The following DLC1 variants were observed in gnomAD, a reference collection of about 807,000 sequenced individuals.
DLC1 encodes the protein DLC1 Rho GTPase activating protein.
In DLC1, 54 loss-of-function variants were observed where a neutral mutation model predicts 140.3. The ratio of observed to expected loss-of-function variants is 0.38; its 90% confidence interval spans 0.31 to 0.48. The LOEUF (loss-of-function observed/expected upper bound fraction) is 0.48, where lower values mean the gene tolerates loss of function less well. Among genes scored for constraint, DLC1 ranks in the 20% least tolerant of loss-of-function variants. The pLI is 0.96. For synonymous variants in DLC1, 986 were observed against 728.1 expected (o/e 1.35, Z -5.70); for missense variants, 2,536 against 1,907.0 (o/e 1.33, Z -6.14).
rs1818076998 is a variant in DLC1, at chr8:13,091,531, T to C, written c.3741-99A>G. The stretch of plus-strand genomic sequence containing the variant: ...ACCCAAAGAAGAGAGAAAAAAAAAT[T>C]TTCACTGGAATCTGTTTATTGTTAA... On this transcript the variant is annotated intron_variant, in intron 13 of 17. Coordinates refer to ENST00000276297, the MANE Select transcript of DLC1 (RefSeq NM_182643.3). 5.8e-6 allele frequency: 6 copies of C among 1,033,542 alleles called. No individual in the cohort carries two copies. In the Admixed American group the frequency reaches 1.7e-4, roughly 29 times the overall value. The allele number at this position is 1,033,542 out of a possible 1,614,324, so 64.0% of individuals were successfully genotyped here.
intron 5 of DLC1, among the ~76,000 whole-genome samples, chr8:13,144,243 C>G (rs1442712862): frequency 6.6e-6 from 1 of 152,136 alleles, no homozygotes; most frequent in Non-Finnish European, 1.5e-5. Context: ...TTGTCATGTC[C>G]TTGGACATCA....
At chr8:13,592,355 T>G (rs1276577178) in intron 1 of DLC1, among the ~76,000 whole-genome samples, 1 of 152,050 alleles carries the variant, frequency 6.6e-6, no homozygotes, top group Non-Finnish European at 1.5e-5. Context: ...TTTTGTTTGT[T>G]TCGTTTATAT....
chr8:13,188,680 C>G (rs1585871307), intron 5 of DLC1, among the ~76,000 whole-genome samples: 1 of 142,028 alleles, frequency 7.0e-6, no homozygotes, highest in South Asian at 2.3e-4. Flanking sequence ...TCTTGGCTCA[C>G]TGCAACTTCG....
chr8:13,503,935 T>C (rs1801933975), intron 1 of DLC1, among the ~76,000 whole-genome samples: 1 of 152,150 alleles, frequency 6.6e-6, no homozygotes, highest in African/African-American at 2.4e-5. Context: ...CAAATGGTAT[T>C]TGAGGTACAG....
chr8:13,280,124 C>CAAA (rs59657810), intron 5 of DLC1, among the ~76,000 whole-genome samples: 1 of 129,714 alleles, frequency 7.7e-6, no homozygotes, highest in East Asian at 2.2e-4. Flanking sequence ...ACTAAAAATA[C>CAAA]AAAAAAAAAA....
intron 4 of DLC1, among the ~76,000 whole-genome samples, chr8:13,368,507 C>T (rs545217846): frequency 6.6e-6 from 1 of 150,932 alleles, no homozygotes; most frequent in Non-Finnish European, 1.5e-5. Flanking sequence ...AGGGAAAACG[C>T]AAGCCAAGGC....
intron 4 of DLC1, among the ~76,000 whole-genome samples, chr8:13,313,185 C>A (rs1240024176): frequency 6.6e-6 from 1 of 152,124 alleles, no homozygotes; most frequent in Non-Finnish European, 1.5e-5. Flanking sequence ...TCCTAGTATG[C>A]TCATTCTGTA....
chr8:13,256,114 G>T (rs1362527727), intron 5 of DLC1, among the ~76,000 whole-genome samples: 2 of 152,102 alleles, frequency 1.3e-5, no homozygotes, highest in East Asian at 3.9e-4. Context: ...CCCAGACTAA[G>T]GTTTACAAGG....
At chr8:13,268,013 C>T (rs1324455046) in intron 5 of DLC1, among the ~76,000 whole-genome samples, 1 of 152,028 alleles carries the variant, frequency 6.6e-6, no homozygotes, top group Non-Finnish European at 1.5e-5. Flanking sequence ...TGACTTAGGA[C>T]AATGTGTTTC....
intron 5 of DLC1, among the ~76,000 whole-genome samples, chr8:13,269,433 C>G (rs987580767): frequency 2.6e-5 from 4 of 152,128 alleles, no homozygotes; most frequent in Non-Finnish European, 4.4e-5. Context: ...GGCATTTCCT[C>G]TTTCTTCAAG....
At chr8:13,286,832 C>T (rs534158516) in intron 5 of DLC1, among the ~76,000 whole-genome samples, 43 of 151,716 alleles carry the variant, frequency 2.8e-4, no homozygotes, top group Non-Finnish European at 5.0e-4. Context: ...AAAAGAAAGC[C>T]TTTGATAAAA....
At chr8:13,098,306 G>T in intron 10 of DLC1, 93 bp downstream of exon 10, 2 of 1,418,036 alleles carry the variant, frequency 1.4e-6, no homozygotes, top group Non-Finnish European at 1.9e-6. Flanking sequence ...TAATAAAGGA[G>T]AGAAGTGTCA....
intron 5 of DLC1, among the ~76,000 whole-genome samples, chr8:13,198,347 CA>C (rs1398177909): frequency 6.6e-6 from 1 of 152,084 alleles, no homozygotes; most frequent in Non-Finnish European, 1.5e-5. Flanking sequence ...TTTACAAAGG[CA>C]AAGGAGAGAT....
At chr8:13,500,409 T>C (rs1250102733) in intron 1 of DLC1, among the ~76,000 whole-genome samples, 3 of 152,220 alleles carry the variant, frequency 2.0e-5, no homozygotes, top group African/African-American at 7.2e-5. Context: ...TCAGCAATAC[T>C]TTTAAAGGCA....
rs1818383706 is a variant in DLC1 at position 13,094,949 on chromosome 8, G to A, written c.3336C>T (p.Leu1112=). 1 of 1,614,164 alleles carries A rather than the reference G, an allele frequency of 6.2e-7. No individual in the cohort carries two copies. The highest frequency in any genetic ancestry group is 2.2e-5 in the East Asian group (1 of 44,884). The stretch of plus-strand genomic sequence containing the variant: ...GGGACTTGACCCCCGATTTTCTGAA[G>A]AGCCCAACCTGTCGGAAGAGCAACA... The part of the protein sequence containing the change: ...LRNHCLDQVG[L]FRKSGVKSRI... Residue 1112 remains leucine, a synonymous_variant, in exon 12 of 18, where the codon CTC becomes CTT. Coordinates refer to ENST00000276297, the MANE Select transcript of DLC1 (RefSeq NM_182643.3).
intron 5 of DLC1, among the ~76,000 whole-genome samples, chr8:13,124,578 T>C (rs919287369): frequency 8.5e-5 from 13 of 152,232 alleles, no homozygotes; most frequent in Admixed American, 5.9e-4. Flanking sequence ...GTCCTTCTGA[T>C]ACTCTATCAC....
At chr8:13,238,382 G>A (rs1683444390) in intron 5 of DLC1, among the ~76,000 whole-genome samples, 3 of 152,162 alleles carry the variant, frequency 2.0e-5, no homozygotes, top group African/African-American at 7.2e-5. Flanking sequence ...GCATGGTGAC[G>A]CACACCTGTG....
intron 2 of DLC1, among the ~76,000 whole-genome samples, chr8:13,423,258 T>C (rs1838399863): frequency 6.6e-6 from 1 of 152,160 alleles, no homozygotes; most frequent in African/African-American, 2.4e-5. Flanking sequence ...TTTTGTAAAA[T>C]TATATTGAAA....
intron 1 of DLC1, among the ~76,000 whole-genome samples, chr8:13,554,216 G>A (rs1043853564): frequency 2.0e-5 from 3 of 152,100 alleles, no homozygotes; most frequent in Non-Finnish European, 4.4e-5. Flanking sequence ...ACAGAGGCCC[G>A]CCAACACACC....
Sources: gnomAD v4.1 joint callset for allele counts (sites outside exome capture counted in the v4.1 genomes callset) on GRCh38, gnomAD v4.1.1 for gene constraint, MANE v1.5 for transcripts, NCBI Gene and HGNC (gene_info 2026-07-23, HGNC 2026-07-21) for gene names.